The following MAP3K7 variants were observed in gnomAD, a reference collection of about 807,000 sequenced individuals.
MAP3K7 encodes TGF-beta activated kinase 1.
In MAP3K7, 21 loss-of-function variants were observed where a neutral mutation model predicts 84.8. The observed-to-expected ratio is 0.25, with a 90% CI of 0.18 to 0.36. The LOEUF is 0.36. Ranked by LOEUF, MAP3K7 falls within the 10% of genes least tolerant of loss-of-function variation. The pLI is 1.00. For missense variants in MAP3K7, 503 were observed against 747.7 expected, an observed-to-expected ratio of 0.67 and a Z score of 3.82; for synonymous variants, 241 against 247.7, an observed-to-expected ratio of 0.97 and a Z score of 0.25.
chr6:90,563,907 C>A (rs1272759004), intron 3 of MAP3K7, among the ~76,000 whole-genome samples: 1 of 152,082 alleles, frequency 6.6e-6, no homozygotes, highest in Non-Finnish European at 1.5e-5. Context: ...GAGTGGGGGC[C>A]AATAGTCAAC....
rs111998135 is a variant in MAP3K7 at position 90,537,728 on chromosome 6, C to T, written c.1292-1327G>A. 2.6e-5 allele frequency among the ~76,000 whole-genome samples: 4 copies of T among 151,972 alleles called. 1 individual carries two copies. Among genetic ancestry groups the T allele is most frequent in the African/African-American group, 9.6e-5 (4 of 41,506 alleles). On this transcript the variant is annotated intron_variant, in intron 12 of 16. Transcript: ENST00000369329. ...AAACTGTGCATTTATTGAATTAGAT[C>T]CACTAGATTACTTTTCTGAATACTT...
rs1457177066 is a variant in MAP3K7 at position 90,548,115 on chromosome 6, C to G, written c.1012G>C (p.Val338Leu). Residue 338 changes from valine to leucine, a missense_variant, in exon 10 of 17, where the codon GTT (valine) becomes CTT (leucine). This residue lies in a region of MAP3K7 where 286 missense variants were observed against 313.6 expected (regional missense o/e 0.91). Coordinates refer to ENST00000369329, the MANE Select transcript of MAP3K7 (RefSeq NM_145331.3). ...SNKSDTNMEQ[V>L]PATNDTIKRL... ...TTAATAGTATCATTTGTGGCAGGAACTTGCTCCATATTAGTGTCACTTTTG... is the reference window on the plus strand; with the variant it reads ...TTAATAGTATCATTTGTGGCAGGAAGTTGCTCCATATTAGTGTCACTTTTG... 1 of 1,612,336 alleles carries G rather than the reference C, an allele frequency of 6.2e-7. No homozygotes were observed. Among genetic ancestry groups the G allele is most frequent in the Admixed American group, 1.7e-5 (1 of 59,822 alleles).
chr6:90,556,760 A>G (rs188454090), intron 5 of MAP3K7, 136 bp from the exon 6 acceptor site: 1 of 840,070 alleles, frequency 1.2e-6, no homozygotes. Flanking sequence ...GAAATGACTA[A>G]TTTACTTGGT....
intron 3 of MAP3K7, among the ~76,000 whole-genome samples, chr6:90,566,549 A>G (rs1350821571): frequency 6.6e-6 from 1 of 152,226 alleles, no homozygotes; most frequent in Non-Finnish European, 1.5e-5. Context: ...ACCACTGCTC[A>G]TTGGAATAAA....
intron 12 of MAP3K7, among the ~76,000 whole-genome samples, chr6:90,543,943 T>A (rs1775927173): frequency 6.6e-6 from 1 of 152,154 alleles, no homozygotes; most frequent in African/African-American, 2.4e-5. Flanking sequence ...ATGTAATTTA[T>A]GAGATTCTCC....
At chr6:90,586,607 C>G (rs903809604) in intron 1 of MAP3K7, among the ~76,000 whole-genome samples, 157 bp downstream of exon 1, 7 of 152,194 alleles carry the variant, frequency 4.6e-5, no homozygotes, top group African/African-American at 1.7e-4. Flanking sequence ...GAGTAACCCC[C>G]ACTCCCACGT....
chr6:90,573,554 T>C (rs1776975338), intron 1 of MAP3K7, among the ~76,000 whole-genome samples: 1 of 152,244 alleles, frequency 6.6e-6, no homozygotes, highest in African/African-American at 2.4e-5. Flanking sequence ...GCTACTCAAA[T>C]GGTTAACATT....
intron 12 of MAP3K7, among the ~76,000 whole-genome samples, chr6:90,538,900 A>T (rs1775762838): frequency 6.6e-6 from 1 of 151,808 alleles, no homozygotes; most frequent in African/African-American, 2.4e-5. Context: ...TCTACTTTAA[A>T]ACTTCCTGAA....
At chr6:90,567,852 GCACATATA>G (rs1371339826) in intron 3 of MAP3K7, among the ~76,000 whole-genome samples, 1 of 152,200 alleles carries the variant, frequency 6.6e-6, no homozygotes, top group African/African-American at 2.4e-5. Flanking sequence ...AGAAATTGTG[GCACATATA>G]CACCATGGAA....
intron 1 of MAP3K7, among the ~76,000 whole-genome samples, chr6:90,584,068 A>G: frequency 6.6e-6 from 1 of 152,336 alleles, no homozygotes; most frequent in South Asian, 2.1e-4. Context: ...TACAGTTTCT[A>G]ATTATATTGA....
chr6:90,586,634 GTC>G (rs770210066), intron 1 of MAP3K7, 128 bp downstream of exon 1: 10 of 1,250,980 alleles, frequency 8.0e-6, no homozygotes, highest in Non-Finnish European at 1.1e-5. Context: ...GGGCTGTGGG[GTC>G]TCCCGGGTGG....
chr6:90,527,624 T>C (rs9359889), intron 13 of MAP3K7, among the ~76,000 whole-genome samples: 4,102 of 152,064 alleles, frequency 0.027, 68 homozygotes, highest in Middle Eastern at 0.044. Flanking sequence ...ACATGACATA[T>C]GACAGAACAT....
chr6:90,561,502 T>C (rs549768859), intron 4 of MAP3K7, 120 bp downstream of exon 4: 124 of 617,918 alleles, frequency 2.0e-4, no homozygotes, highest in Non-Finnish European at 1.6e-4. Flanking sequence ...TTTTTAAAAA[T>C]TATGCCCTTT....
rs192428719 is a variant in MAP3K7 at position 90,515,107 on chromosome 6, A to C, written c.*1394T>G. On this transcript the variant is annotated 3_prime_UTR_variant, in exon 17 of 17. Transcript: ENST00000369329. ...ATCTTGCTTATCTGAAATAGAGCAAAAACTACAATACAGTCATGATAGAAT... is the reference window on the plus strand; with the variant it reads ...ATCTTGCTTATCTGAAATAGAGCAACAACTACAATACAGTCATGATAGAAT... 15 of 152,108 alleles carry C rather than the reference A, an allele frequency of 9.9e-5. No homozygotes were observed. The East Asian group carries it at 2.1e-3, about 22-fold the overall frequency. The allele number at this position is 152,108 out of a possible 1,614,324, so 9.4% of individuals were successfully genotyped here. A position where few individuals can be genotyped will look rare whatever the true frequency, so the allele number is the denominator to read the frequency against.
chr6:90,564,541 C>G (rs1470976686), intron 3 of MAP3K7, among the ~76,000 whole-genome samples: 2 of 152,050 alleles, frequency 1.3e-5, no homozygotes, highest in Admixed American at 1.3e-4. Context: ...ATATATGCAC[C>G]CAATACAGGA....
rs1357904033 is a variant in MAP3K7, at chr6:90,515,284, T to C, written c.*1217A>G. 4 of 151,994 alleles carry C rather than the reference T, an allele frequency of 2.6e-5. No individual in the cohort carries two copies. Among genetic ancestry groups the C allele is most frequent in the Admixed American group, 2.0e-4 (3 of 15,228 alleles). 9.4% of individuals were successfully genotyped at this position (151,994 alleles called of 1,614,324 possible). A position where few individuals can be genotyped will look rare whatever the true frequency, so the allele number is the denominator to read the frequency against. ...TATTTTAACACCAACTGAAAAAATA[T>C]AGAGTTTGTATAGTCTATTATTTCA... On this transcript the variant is annotated 3_prime_UTR_variant, in exon 17 of 17. Coordinates refer to ENST00000369329, the MANE Select transcript of MAP3K7 (RefSeq NM_145331.3).
chr6:90,531,054 A>G (rs1775490844), intron 13 of MAP3K7, among the ~76,000 whole-genome samples: 1 of 152,222 alleles, frequency 6.6e-6, no homozygotes, highest in Non-Finnish European at 1.5e-5. Flanking sequence ...TATGAAAGTC[A>G]CAAGAGTATA....
At chr6:90,565,676 C>A (rs187107029) in intron 3 of MAP3K7, among the ~76,000 whole-genome samples, 6 of 152,082 alleles carry the variant, frequency 3.9e-5, no homozygotes, top group African/African-American at 1.4e-4. Flanking sequence ...CTATTCCAAT[C>A]GATAGAAAAA....
intron 12 of MAP3K7, chr6:90,542,146 G>T: frequency 1.4e-6 from 1 of 722,906 alleles, no homozygotes; most frequent in Non-Finnish European, 1.7e-6. Context: ...AAGAAATTTT[G>T]GAAATTAAGT....
Sources: allele counts gnomAD v4.1 joint callset (sites outside exome capture counted in the v4.1 genomes callset), GRCh38; gene constraint gnomAD v4.1.1; regional missense constraint gnomAD v4.1.1; transcripts MANE v1.5; gene names NCBI Gene and HGNC (gene_info 2026-07-23, HGNC 2026-07-21).